Variants in UBE2L3 observed in about 807,000 individuals in gnomAD.
UBE2L3 encodes the protein ubiquitin-conjugating enzyme E2 L3.
Under a neutral mutation model 17.8 loss-of-function variants are expected in UBE2L3, and 1 was observed. The observed-to-expected ratio is 0.06, with a 90% CI of 0.02 to 0.27. The LOEUF (loss-of-function observed/expected upper bound fraction) is 0.27, where lower values mean the gene tolerates loss of function less well. Among genes scored for constraint, UBE2L3 ranks in the 10% least tolerant of loss-of-function variants. UBE2L3 has a pLI of 1.00. For synonymous variants in UBE2L3, 44 were observed against 68.5 expected (o/e 0.64, Z 1.76); for missense variants, 40 against 192.6 (o/e 0.21, Z 4.69).
upstream of UBE2L3, chr22:21,567,608 G>C (rs1266610181): frequency 4.0e-6 from 6 of 1,517,952 alleles, no homozygotes; most frequent in Non-Finnish European, 5.3e-6. Flanking sequence ...CCAGCACAGT[G>C]GGAAGCACAC....
At chr22:21,598,722 T>G (rs951692683) in intron 2 of UBE2L3, among the ~76,000 whole-genome samples, 24 of 151,808 alleles carry the variant, frequency 1.6e-4, no homozygotes, top group African/African-American at 5.8e-4. Context: ...TAATAATAAA[T>G]GGGTTCTCCC....
intron 3 of UBE2L3, chr22:21,614,449 G>T: frequency 3.6e-6 from 2 of 556,632 alleles, no homozygotes; most frequent in Non-Finnish European, 6.1e-6. Flanking sequence ...AAGAAAGAAA[G>T]AAAGGGAAAA....
Position 21,605,229 on chromosome 22 carries a change from T to C in UBE2L3, c.124-5628T>C, listed in dbSNP as rs142494751. 1.1e-3 allele frequency among the ~76,000 whole-genome samples: 172 copies of C among 152,230 alleles called. 4 individuals are homozygous for C. The East Asian group carries it at 0.028, about 25-fold the overall frequency. On this transcript the variant is annotated intron_variant, in intron 2 of 3. Transcript: ENST00000342192. Reference sequence around the variant, plus strand: ...GTTTTTTTGAGAGAACACCTTGCTCTATCGCCTAGGCAGGAGTGCAGTGGT... The same window carrying C: ...GTTTTTTTGAGAGAACACCTTGCTCCATCGCCTAGGCAGGAGTGCAGTGGT...
intron 1 of UBE2L3, among the ~76,000 whole-genome samples, chr22:21,588,009 C>T (rs1461005324): frequency 1.3e-5 from 2 of 152,182 alleles, no homozygotes; most frequent in Admixed American, 6.5e-5. Flanking sequence ...GCCTGCTGTC[C>T]CCATCAAGAG....
chr22:21,558,517 G>C (rs1160707741), intron 1 of UBE2L3, among the ~76,000 whole-genome samples: 1 of 152,014 alleles, frequency 6.6e-6, no homozygotes, highest in African/African-American at 2.4e-5. Context: ...TGTAGTCCCA[G>C]CTACTTGGGA....
chr22:21,566,077 A>G (rs752066224), upstream of UBE2L3, among the ~76,000 whole-genome samples: 9 of 149,254 alleles, frequency 6.0e-5, no homozygotes, highest in Non-Finnish European at 1.2e-4. Context: ...GGTTCAAGCG[A>G]TTCTCCTGCC....
At chr22:21,571,441 T>C (rs1028284470) in intron 1 of UBE2L3, among the ~76,000 whole-genome samples, 5 of 152,148 alleles carry the variant, frequency 3.3e-5, no homozygotes, top group African/African-American at 1.2e-4. Flanking sequence ...GGAGTTTCAC[T>C]CTTGTTGCCC....
intron 2 of UBE2L3, among the ~76,000 whole-genome samples, chr22:21,604,829 A>G (rs1294874696): frequency 1.3e-5 from 2 of 152,304 alleles, no homozygotes; most frequent in Non-Finnish European, 2.9e-5. Flanking sequence ...TTGACCATCC[A>G]CAGATCCCCA....
chr22:21,576,903 A>G (rs1375221332), intron 1 of UBE2L3, among the ~76,000 whole-genome samples: 1 of 145,994 alleles, frequency 6.8e-6, no homozygotes, highest in Admixed American at 7.0e-5. Flanking sequence ...TCTGGGTTCA[A>G]GCAATTCTCC....
chr22:21,581,069 T>C (rs2148410527), intron 1 of UBE2L3, among the ~76,000 whole-genome samples: 1 of 149,994 alleles, frequency 6.7e-6, no homozygotes, highest in Middle Eastern at 3.5e-3. Context: ...TTTTTTTTTT[T>C]TTTGAGATGG....
intron 1 of UBE2L3, among the ~76,000 whole-genome samples, chr22:21,576,840 G>T (rs148332100): frequency 0.019 from 2,306 of 122,416 alleles, 35 homozygotes; most frequent in Non-Finnish European, 0.025. Context: ...GTCTCGCTCT[G>T]TCGCCCAAGC....
intron 1 of UBE2L3, among the ~76,000 whole-genome samples, chr22:21,558,440 G>A (rs1321204300): frequency 2.0e-5 from 3 of 152,240 alleles, no homozygotes; most frequent in Admixed American, 6.5e-5. Flanking sequence ...AGACCATCCT[G>A]GCTAACACGG....
intron 1 of UBE2L3, among the ~76,000 whole-genome samples, chr22:21,560,446 A>ATTTTTTTTTTTTTTTTTTTTTTTTTTTTT (rs59968738): frequency 1.6e-5 from 2 of 126,244 alleles, no homozygotes; most frequent in Non-Finnish European, 3.3e-5. Context: ...CTTTAGATCT[A>ATTTTTTTTTTTTTTTTTTTTTTTTTTTTT]TTTTTTTTTT....
At chr22:21,604,844 A>G (rs1407806005) in intron 2 of UBE2L3, among the ~76,000 whole-genome samples, 2 of 152,216 alleles carry the variant, frequency 1.3e-5, no homozygotes, top group Non-Finnish European at 2.9e-5. Flanking sequence ...TCCCCAGACT[A>G]GGAAAGAGGC....
intron 2 of UBE2L3, among the ~76,000 whole-genome samples, chr22:21,610,101 A>G (rs1430401835): frequency 1.3e-5 from 2 of 152,194 alleles, no homozygotes; most frequent in Non-Finnish European, 2.9e-5. Flanking sequence ...CTGAAGATCA[A>G]GGTGCCAACA....
intron 3 of UBE2L3, among the ~76,000 whole-genome samples, chr22:21,616,158 A>G (rs1929759741): frequency 6.6e-6 from 1 of 152,222 alleles, no homozygotes; most frequent in African/African-American, 2.4e-5. Flanking sequence ...TGTTTCCCTT[A>G]GGAGCAATGA....
At position 21,575,264 on chromosome 22, in the gene UBE2L3, A is replaced by C. The variant is rs1297729103; in HGVS notation, c.27+7493A>C. 4.0e-5 allele frequency among the ~76,000 whole-genome samples: 6 copies of C among 150,626 alleles called. No homozygotes were observed. The East Asian group carries it at 1.2e-3, about 29-fold the overall frequency. On this transcript the variant is annotated intron_variant, in intron 1 of 3. Coordinates refer to ENST00000342192, the MANE Select transcript of UBE2L3 (RefSeq NM_003347.4). ...ACAGAGTAAGACTCCATCTCAAAAA[A>C]AAAAAAAAAAAAAGAAAAGGAAAAA... is the stretch of plus-strand genomic sequence containing the variant.
chr22:21,614,413 A>C, intron 3 of UBE2L3: 1 of 444,962 alleles, frequency 2.2e-6, no homozygotes. Context: ...AACATGGTGA[A>C]ACCCCGTCTG....
intron 1 of UBE2L3, among the ~76,000 whole-genome samples, chr22:21,580,835 T>C (rs1175622854): frequency 6.6e-6 from 1 of 151,774 alleles, no homozygotes; most frequent in East Asian, 2.0e-4. Flanking sequence ...TCTGCCGGCC[T>C]CAGCCTCCCA....
Sources: allele counts gnomAD v4.1 joint callset (sites outside exome capture counted in the v4.1 genomes callset), GRCh38; gene constraint gnomAD v4.1.1; transcripts MANE v1.5; gene names NCBI Gene and HGNC (gene_info 2026-07-23, HGNC 2026-07-21).